TEX9: variants seen among roughly 807,000 people sequenced by gnomAD.
TEX9 encodes the protein testis-expressed protein 9.
TEX9 carries 74 observed loss-of-function variants against 59.6 expected under a neutral mutation model. That is an observed-to-expected ratio of 1.24 (90% CI 1.03 to 1.51). TEX9 has a LOEUF of 1.51. TEX9 is among the 40% of genes most tolerant of loss of function. The probability of loss-of-function intolerance (pLI) is 0.00; values close to 1 mark genes in which losing one functional copy is unlikely to be tolerated. For missense variants in TEX9, 522 were observed against 447.8 expected (o/e 1.17, Z -1.49); for synonymous variants, 186 against 152.2 (o/e 1.22, Z -1.64).
Position 56,289,116 on chromosome 15 carries a change from C to G in TEX9, c.-107+44838C>G, listed in dbSNP as rs189850763. ...TCATTGTTTAATTTCTCATTTTGGT[C>G]ATTTATTGTTTCTCTGATTCTATTG... On this transcript the variant is annotated intron_variant, in intron 1 of 5. Coordinates refer to the TEX9 transcript ENST00000560827. Among the ~76,000 whole-genome samples the G allele has an allele frequency of 5.8e-3, 880 of 152,134 alleles. 7 individuals are homozygous for G. Among genetic ancestry groups the G allele is most frequent in the Non-Finnish European group, 9.1e-3 (617 of 67,990 alleles).
At chr15:56,397,987 A>C (rs1466174627) in intron 9 of TEX9, 1 of 152,634 alleles carries the variant, frequency 6.6e-6, no homozygotes. Flanking sequence ...TACAACATTC[A>C]ATATTTATCC....
intron 12 of TEX9, among the ~76,000 whole-genome samples, chr15:56,435,806 C>T (rs1315519116): frequency 6.6e-6 from 1 of 151,852 alleles, no homozygotes; most frequent in African/African-American, 2.4e-5. Flanking sequence ...GAAACATATC[C>T]CCATTCATTT....
intron 1 of TEX9, among the ~76,000 whole-genome samples, chr15:56,276,640 G>A (rs965608395): frequency 2.0e-5 from 3 of 152,152 alleles, no homozygotes; most frequent in Admixed American, 6.5e-5. Flanking sequence ...GTAAACAGAC[G>A]TGTGCATGTG....
At chr15:56,420,591 AGCC>A (rs2049934289) in intron 10 of TEX9, among the ~76,000 whole-genome samples, 2 of 151,888 alleles carry the variant, frequency 1.3e-5, no homozygotes, top group South Asian at 4.1e-4. Flanking sequence ...AACAGATGTG[AGCC>A]ATCACGCCTG....
chr15:56,427,802 C>T, intron 11 of TEX9, 63 bp downstream of exon 11: 1 of 1,296,664 alleles, frequency 7.7e-7, no homozygotes, highest in South Asian at 1.9e-5. Flanking sequence ...AAAAATTTAG[C>T]ATTTTTCACT....
chr15:56,383,285 G>A (rs1463468257), intron 3 of TEX9, among the ~76,000 whole-genome samples: 5 of 152,184 alleles, frequency 3.3e-5, no homozygotes, highest in Non-Finnish European at 5.9e-5. Flanking sequence ...GGAAGGGGTG[G>A]TGTCAGCTTT....
intron 2 of TEX9, among the ~76,000 whole-genome samples, chr15:56,369,158 A>T (rs1042025537): frequency 6.6e-6 from 1 of 152,054 alleles, no homozygotes. Flanking sequence ...TTGCAAGCAC[A>T]TAGGGTTGTT....
chr15:56,365,488 C>T lies in TEX9; in HGVS notation c.27+11C>T, dbSNP rs1596120081. ...AGTCTGTGTCTCACGGTCAGTTCAA[C>T]TCCAGGCTCCTGGGGAGCGTCTGGG... On this transcript the variant is annotated intron_variant, in intron 1 of 12. Coordinates refer to ENST00000352903, the Ensembl canonical transcript of TEX9. The T allele has an allele frequency of 4.3e-6, 7 of 1,614,208 alleles. No individual in the cohort carries two copies. The highest frequency in any genetic ancestry group is 5.1e-6 in the Non-Finnish European group (6 of 1,180,020).
At chr15:56,426,587 GTGTATATATATATATATATA>G (rs2050266498) in intron 10 of TEX9, among the ~76,000 whole-genome samples, 1 of 8,210 alleles carries the variant, frequency 1.2e-4, no homozygotes, top group Non-Finnish European at 2.7e-4. Flanking sequence ...TTTTGAAAAG[GTGTATATATATATATATATA>G]TATATATATA....
rs867179398 is a variant in TEX9, at chr15:56,438,836, G to A, written c.*30-6835G>A. On this transcript the variant is annotated intron_variant, in intron 12 of 12. Transcript: ENST00000352903. ...CCATCAAAAAGTGGGCGAAGGATATGAATAGACACTTCTCAAAAGAAGACA... is the reference window on the plus strand; with the variant it reads ...CCATCAAAAAGTGGGCGAAGGATATAAATAGACACTTCTCAAAAGAAGACA... Among the ~76,000 whole-genome samples, 4 of 152,264 alleles carry A rather than the reference G, an allele frequency of 2.6e-5. No individual in the cohort carries two copies. The South Asian group carries it at 8.3e-4, about 32-fold the overall frequency.
At chr15:56,257,235 C>G (rs2044164564) in intron 1 of TEX9, among the ~76,000 whole-genome samples, 1 of 151,990 alleles carries the variant, frequency 6.6e-6, no homozygotes, top group Non-Finnish European at 1.5e-5. Context: ...GTGAACAGTG[C>G]TCCAATGAAC....
At chr15:56,257,262 T>C (rs906699746) in intron 1 of TEX9, among the ~76,000 whole-genome samples, 6 of 151,882 alleles carry the variant, frequency 4.0e-5, no homozygotes, top group Non-Finnish European at 7.4e-5. Context: ...GTGCATATGC[T>C]TTTATAATAC....
chr15:56,278,356 T>A (rs1261678860), intron 1 of TEX9, among the ~76,000 whole-genome samples: 2 of 152,210 alleles, frequency 1.3e-5, no homozygotes, highest in East Asian at 3.9e-4. Context: ...GCAAGGCAGA[T>A]AATGTGAAAG....
intron 9 of TEX9, among the ~76,000 whole-genome samples, chr15:56,404,131 A>C (rs986437166): frequency 1.3e-5 from 2 of 152,218 alleles, no homozygotes; most frequent in Non-Finnish European, 2.9e-5. Context: ...AAAATAGACA[A>C]ATGGGATCTA....
chr15:56,443,898 T>A lies in TEX9; in HGVS notation c.*30-1773T>A. The stretch of plus-strand genomic sequence containing the variant: ...TACAGATTTATAGTAAACAATAAAA[T>A]ATAAAAAAGTAATTTCATTTTGTTC... On this transcript the variant is annotated intron_variant, in intron 12 of 12. Coordinates refer to ENST00000352903, the Ensembl canonical transcript of TEX9. 1 of 1,351,566 alleles carries A rather than the reference T, an allele frequency of 7.4e-7. No individual in the cohort carries two copies. The highest frequency in any genetic ancestry group is 1.0e-6 in the Non-Finnish European group (1 of 999,560). 83.7% of individuals were successfully genotyped at this position (1,351,566 alleles called of 1,614,324 possible). A position where few individuals can be genotyped will look rare whatever the true frequency, so the allele number is the denominator to read the frequency against.
chr15:56,453,120 T>C, the TEX9 span, among the ~76,000 whole-genome samples: 1 of 152,364 alleles, frequency 6.6e-6, no homozygotes, highest in East Asian at 1.9e-4. Context: ...TTCATTATTA[T>C]TTGACAATGC....
intron 4 of TEX9, among the ~76,000 whole-genome samples, chr15:56,386,622 T>C (rs1254377917): frequency 4.6e-5 from 7 of 152,000 alleles, no homozygotes; most frequent in Non-Finnish European, 8.8e-5. Flanking sequence ...ACATATACCA[T>C]GAAACCACTT....
exon 9 of TEX9, chr15:56,394,668 A>G (rs1457441460): frequency 6.3e-7 from 1 of 1,587,488 alleles, no homozygotes; most frequent in Admixed American, 1.7e-5. Flanking sequence ...TAGGAGGATG[A>G]AATTCAGAAT....
intron 1 of TEX9, among the ~76,000 whole-genome samples, chr15:56,342,258 T>C (rs2046386075): frequency 6.6e-6 from 1 of 152,120 alleles, no homozygotes; most frequent in South Asian, 2.1e-4. Flanking sequence ...CAATAAGCTT[T>C]TGAGGTAGGA....
Sources: allele counts gnomAD v4.1 joint callset (sites outside exome capture counted in the v4.1 genomes callset), GRCh38; gene constraint gnomAD v4.1.1; transcripts MANE v1.5; gene names NCBI Gene and HGNC (gene_info 2026-07-23, HGNC 2026-07-21).